CNTN5: variants seen among roughly 807,000 people sequenced by gnomAD.
CNTN5 encodes the protein contactin-5.
A neutral mutation model predicts 129.1 loss-of-function variants in CNTN5; 77 were observed. The ratio of observed to expected loss-of-function variants is 0.60; its 90% CI spans 0.50 to 0.72. The LOEUF is 0.72. Ranked by LOEUF, CNTN5 falls within the 30% of genes least tolerant of loss-of-function variation. The pLI is 0.00. For missense variants in CNTN5, 1,478 were observed against 1,328.8 expected, an observed-to-expected ratio of 1.11 and a Z score of -1.75; for synonymous variants, 509 against 465.6, an observed-to-expected ratio of 1.09 and a Z score of -1.20.
At chr11:99,393,759 T>C (rs1941384225) in intron 2 of CNTN5, among the ~76,000 whole-genome samples, 1 of 151,734 alleles carries the variant, frequency 6.6e-6, no homozygotes. Flanking sequence ...ATGAGTTCTA[T>C]AGTAACTTTC....
chr11:100,049,391 A>G (rs1456127487), intron 9 of CNTN5, among the ~76,000 whole-genome samples: 1 of 152,142 alleles, frequency 6.6e-6, no homozygotes, highest in East Asian at 1.9e-4. Context: ...TGTATTAAAT[A>G]AACTAGTATA....
intron 13 of CNTN5, among the ~76,000 whole-genome samples, chr11:100,188,692 G>T (rs1948378619): frequency 6.6e-6 from 1 of 152,040 alleles, no homozygotes; most frequent in Non-Finnish European, 1.5e-5. Context: ...ATTCCTCAGA[G>T]AACTTAAACT....
chr11:100,104,465 T>A (rs973288639), intron 13 of CNTN5, among the ~76,000 whole-genome samples: 1 of 152,048 alleles, frequency 6.6e-6, no homozygotes, highest in Non-Finnish European at 1.5e-5. Context: ...GAAAAAAAAA[T>A]CACATATAAT....
At chr11:99,449,253 T>C (rs1281674884) in intron 2 of CNTN5, among the ~76,000 whole-genome samples, 2 of 152,234 alleles carry the variant, frequency 1.3e-5, no homozygotes, top group African/African-American at 4.8e-5. Context: ...TTTTTCTAAC[T>C]TCACAGAAAG....
chr11:99,589,933 G>T (rs1256297077), intron 3 of CNTN5, among the ~76,000 whole-genome samples: 1 of 152,134 alleles, frequency 6.6e-6, no homozygotes, highest in Non-Finnish European at 1.5e-5. Flanking sequence ...CATATTGTAT[G>T]CAGTGCATCC....
chr11:100,227,320 C>G (rs1343692111), intron 16 of CNTN5, among the ~76,000 whole-genome samples: 1 of 152,246 alleles, frequency 6.6e-6, no homozygotes, highest in African/African-American at 2.4e-5. Context: ...AATTCTTCAA[C>G]CTTGCCGCTC....
chr11:99,439,288 C>T (rs1299102892), intron 2 of CNTN5, among the ~76,000 whole-genome samples: 1 of 151,614 alleles, frequency 6.6e-6, no homozygotes, highest in African/African-American at 2.4e-5. Context: ...ATGTGTAGAT[C>T]TCTGTGTGTG....
intron 2 of CNTN5, among the ~76,000 whole-genome samples, chr11:99,339,979 A>G (rs996329739): frequency 1.3e-5 from 2 of 152,180 alleles, no homozygotes; most frequent in African/African-American, 2.4e-5. Context: ...AAGGGTATAT[A>G]TAGCAAGCTG....
chr11:99,191,164 C>T lies in CNTN5; in HGVS notation c.-209-134182C>T, dbSNP rs181679565. On this transcript the variant is annotated intron_variant, in intron 1 of 24. Transcript: ENST00000524871. ...TATTTATAGATTTGCCTGTGTTTAA[C>T]GATCCTTGCTTACCGGAAATAAATT... is the stretch of plus-strand genomic sequence containing the variant. 6.6e-5 allele frequency among the ~76,000 whole-genome samples: 10 copies of T among 151,754 alleles called. No homozygotes were observed. The East Asian group carries it at 9.7e-4, about 15-fold the overall frequency.
chr11:100,289,978 C>A (rs1289033389), intron 18 of CNTN5, among the ~76,000 whole-genome samples: 5 of 150,860 alleles, frequency 3.3e-5, no homozygotes, highest in Non-Finnish European at 5.9e-5. Context: ...AGACAGAGAG[C>A]CAAATCATGA....
chr11:99,454,987 A>C (rs914169358), intron 2 of CNTN5, among the ~76,000 whole-genome samples: 3 of 152,138 alleles, frequency 2.0e-5, no homozygotes, highest in Non-Finnish European at 4.4e-5. Flanking sequence ...TGGTTTTGGA[A>C]AGAAAATGCA....
intron 1 of CNTN5, among the ~76,000 whole-genome samples, chr11:99,122,287 T>C (rs1187861506): frequency 1.3e-5 from 2 of 152,166 alleles, no homozygotes; most frequent in Non-Finnish European, 2.9e-5. Flanking sequence ...AAGGAAGATA[T>C]GTCTAATGGC....
rs531146118 is a variant in CNTN5 at position 99,343,167 on chromosome 11, G to A, written c.-71+17683G>A. Among the ~76,000 whole-genome samples, 7 of 152,244 alleles carry A rather than the reference G, an allele frequency of 4.6e-5. No individual in the cohort carries two copies. The South Asian group carries it at 6.2e-4, about 14-fold the overall frequency. On this transcript the variant is annotated intron_variant, in intron 2 of 24. Coordinates refer to ENST00000524871, the MANE Select transcript of CNTN5 (RefSeq NM_014361.4). ...TGGCTGGAAAGAGAGGAGGGATGAC[G>A]AATCTTTATCACCTGGGAAATGATG...
At chr11:99,042,805 C>G (rs566018615) in intron 1 of CNTN5, among the ~76,000 whole-genome samples, 2 of 148,702 alleles carry the variant, frequency 1.3e-5, no homozygotes, top group South Asian at 4.1e-4. Flanking sequence ...TGAGCATAGA[C>G]GCAGTCTGGG....
chr11:100,316,722 A>G (rs1368943001), intron 21 of CNTN5, among the ~76,000 whole-genome samples: 3 of 152,222 alleles, frequency 2.0e-5, no homozygotes, highest in African/African-American at 7.2e-5. Context: ...AAAGTCTTCC[A>G]TGATTGCCAA....
At chr11:99,176,218 T>A (rs1857764732) in intron 1 of CNTN5, among the ~76,000 whole-genome samples, 1 of 152,138 alleles carries the variant, frequency 6.6e-6, no homozygotes, top group Non-Finnish European at 1.5e-5. Context: ...GAGCCATTCT[T>A]TTTTTTTCTT....
intron 1 of CNTN5, among the ~76,000 whole-genome samples, chr11:99,199,443 A>G (rs550322037): frequency 6.6e-6 from 1 of 152,218 alleles, no homozygotes; most frequent in Admixed American, 6.5e-5. Flanking sequence ...ATAACACAAT[A>G]TGACATTCTA....
chr11:100,140,842 G>T (rs927315675), intron 13 of CNTN5, among the ~76,000 whole-genome samples: 18 of 152,134 alleles, frequency 1.2e-4, no homozygotes, highest in African/African-American at 3.9e-4. Flanking sequence ...GTCAGTTGGG[G>T]CTATGACCTG....
intron 1 of CNTN5, among the ~76,000 whole-genome samples, chr11:99,194,362 A>G (rs1343278526): frequency 6.6e-6 from 1 of 152,130 alleles, no homozygotes; most frequent in African/African-American, 2.4e-5. Flanking sequence ...AACTGTGAGA[A>G]TGAAAATGCA....
Sources: gnomAD v4.1 joint callset for allele counts (sites outside exome capture counted in the v4.1 genomes callset) on GRCh38, gnomAD v4.1.1 for gene constraint, MANE v1.5 for transcripts, NCBI Gene and HGNC (gene_info 2026-07-23, HGNC 2026-07-21) for gene names.